The following ANKS1B variants were observed in gnomAD, a reference collection of about 807,000 sequenced individuals.
The protein encoded by ANKS1B is ankyrin repeat and sterile alpha motif domain containing 1B.
ANKS1B carries 36 observed loss-of-function variants against 148.3 expected under a neutral mutation model. That is an observed-to-expected ratio of 0.24 (90% CI 0.19 to 0.32). The LOEUF (loss-of-function observed/expected upper bound fraction) is 0.32, where lower values mean the gene tolerates loss of function less well. Among genes scored for constraint, ANKS1B ranks in the 10% least tolerant of loss-of-function variants. The pLI is 1.00. For missense variants in ANKS1B, 1,157 were observed against 1,542.6 expected (o/e 0.75, Z 4.19); for synonymous variants, 542 against 560.8 (o/e 0.97, Z 0.47).
intron 25 of ANKS1B, among the ~76,000 whole-genome samples, chr12:98,767,014 G>GTTTTT: frequency 6.8e-6 from 1 of 148,098 alleles, no homozygotes. Context: ...ACATGGGGTT[G>GTTTTT]CCCTATGTTG....
chr12:99,232,981 A>C (rs1466133473), intron 14 of ANKS1B, among the ~76,000 whole-genome samples: 7 of 152,124 alleles, frequency 4.6e-5, no homozygotes, highest in Non-Finnish European at 1.0e-4. Context: ...GAACACCTAC[A>C]TGACACCACA....
At chr12:99,940,200 T>C (rs1432493805) in intron 1 of ANKS1B, among the ~76,000 whole-genome samples, 2 of 152,178 alleles carry the variant, frequency 1.3e-5, no homozygotes, top group Non-Finnish European at 2.9e-5. Context: ...TAGCCTAATC[T>C]ATACTCCCAC....
chr12:99,484,429 AG>A (rs1360938613), intron 10 of ANKS1B, among the ~76,000 whole-genome samples: 3 of 151,990 alleles, frequency 2.0e-5, no homozygotes, highest in Non-Finnish European at 2.9e-5. Context: ...TCTATCTTGA[AG>A]AATGTTACGT....
rs546675951 is a variant in ANKS1B, at chr12:99,762,297, A to G, written c.1128+10625T>C. 1.6e-3 allele frequency among the ~76,000 whole-genome samples: 237 copies of G among 152,208 alleles called. 2 individuals are homozygous for G. Among genetic ancestry groups the G allele is most frequent in the Middle Eastern group, 3.4e-3 (1 of 294 alleles). ...ACATTTCCCAACTTCCAACTATACT[A>G]TACAGCTACAATAACAAATACTTCA... is the stretch of plus-strand genomic sequence containing the variant. On this transcript the variant is annotated intron_variant, in intron 8 of 26. Coordinates refer to ENST00000683438, the MANE Select transcript of ANKS1B (RefSeq NM_001352186.2).
At chr12:98,962,125 CAG>C (rs1280827779) in intron 17 of ANKS1B, among the ~76,000 whole-genome samples, 1 of 150,288 alleles carries the variant, frequency 6.7e-6, no homozygotes, top group South Asian at 2.1e-4. Context: ...AATCAAAAGA[CAG>C]AGAGTGGCTG....
At chr12:99,695,427 C>T (rs934304434) in intron 8 of ANKS1B, among the ~76,000 whole-genome samples, 1 of 152,204 alleles carries the variant, frequency 6.6e-6, no homozygotes, top group African/African-American at 2.4e-5. Flanking sequence ...TCAGTGCTCA[C>T]AGTCTAATGT....
intron 12 of ANKS1B, among the ~76,000 whole-genome samples, chr12:99,320,278 G>A (rs542305209): frequency 1.2e-4 from 19 of 152,266 alleles, no homozygotes; most frequent in African/African-American, 2.6e-4. Context: ...ATAATATCTC[G>A]CAGAGTGTTT....
At chr12:98,962,340 G>T (rs1258013526) in intron 17 of ANKS1B, among the ~76,000 whole-genome samples, 5 of 150,336 alleles carry the variant, frequency 3.3e-5, no homozygotes, top group African/African-American at 2.4e-5. Flanking sequence ...GACAAAGAAG[G>T]TCCATATATG....
intron 9 of ANKS1B, chr12:99,648,797 T>C: frequency 6.2e-7 from 1 of 1,604,282 alleles, no homozygotes; most frequent in Non-Finnish European, 8.5e-7. Flanking sequence ...GTGGTGAGTC[T>C]ATGCAGAGAC....
At chr12:99,893,410 C>CAAA (rs57828427) in intron 1 of ANKS1B, among the ~76,000 whole-genome samples, 1 of 102,336 alleles carries the variant, frequency 9.8e-6, no homozygotes. Context: ...GACTCCATCT[C>CAAA]AAAAAAAAAA....
At chr12:99,961,803 G>A (rs1489284601) in intron 1 of ANKS1B, among the ~76,000 whole-genome samples, 2 of 152,132 alleles carry the variant, frequency 1.3e-5, no homozygotes, top group Non-Finnish European at 2.9e-5. Flanking sequence ...GAACAAATAG[G>A]ATAGGTACTC....
At chr12:99,690,081 C>A (rs1440956639) in intron 8 of ANKS1B, among the ~76,000 whole-genome samples, 1 of 152,088 alleles carries the variant, frequency 6.6e-6, no homozygotes, top group Non-Finnish European at 1.5e-5. Flanking sequence ...CACAGGGCGG[C>A]AGGACAGAGT....
chr12:99,891,677 C>T (rs571330584), intron 1 of ANKS1B, among the ~76,000 whole-genome samples: 3 of 152,160 alleles, frequency 2.0e-5, no homozygotes, highest in African/African-American at 7.2e-5. Context: ...TTTTAATAAA[C>T]CAACTGTAAA....
At chr12:98,776,286 C>G (rs58656554) in intron 24 of ANKS1B, among the ~76,000 whole-genome samples, 1 of 152,164 alleles carries the variant, frequency 6.6e-6, no homozygotes, top group South Asian at 2.1e-4. Flanking sequence ...TTATGAGTGG[C>G]TTTTCCACAA....
intron 10 of ANKS1B, among the ~76,000 whole-genome samples, chr12:99,471,120 A>G (rs1461811983): frequency 6.6e-6 from 1 of 152,144 alleles, no homozygotes; most frequent in Non-Finnish European, 1.5e-5. Flanking sequence ...AACCAAAAGT[A>G]TAATTTAATC....
At chr12:99,143,744 G>A (rs547672690) in intron 15 of ANKS1B, among the ~76,000 whole-genome samples, 14 of 152,060 alleles carry the variant, frequency 9.2e-5, no homozygotes, top group African/African-American at 3.4e-4. Context: ...AGTTTCCTTA[G>A]TCTAGACTGC....
At chr12:99,261,348 T>C (rs2075905372) in intron 12 of ANKS1B, among the ~76,000 whole-genome samples, 1 of 152,162 alleles carries the variant, frequency 6.6e-6, no homozygotes, top group African/African-American at 2.4e-5. Context: ...TCCTAGGCTG[T>C]TCCTTCTCAT....
At chr12:99,161,188 T>C (rs554765716) in intron 14 of ANKS1B, among the ~76,000 whole-genome samples, 24 of 152,300 alleles carry the variant, frequency 1.6e-4, no homozygotes, top group Non-Finnish European at 2.9e-4. Context: ...CATTTTTTTG[T>C]GAAACTGAGG....
At chr12:99,402,613 C>T (rs1180792679) in intron 11 of ANKS1B, among the ~76,000 whole-genome samples, 3 of 145,902 alleles carry the variant, frequency 2.1e-5, no homozygotes, top group African/African-American at 5.2e-5. Context: ...GGATAACAGC[C>T]TCCAGCTCCA....
Sources: allele counts gnomAD v4.1 joint callset (sites outside exome capture counted in the v4.1 genomes callset), GRCh38; gene constraint gnomAD v4.1.1; transcripts MANE v1.5; gene names NCBI Gene and HGNC (gene_info 2026-07-23, HGNC 2026-07-21).